The following DKK3 variants were observed in gnomAD, a reference collection of about 807,000 sequenced individuals.
The protein encoded by DKK3 is dickkopf Wnt signaling pathway inhibitor 3, also known as dickkopf-related protein 3.
In DKK3, 22 loss-of-function variants were observed where a neutral mutation model predicts 33.2. The observed-to-expected ratio is 0.66, with a 90% CI of 0.47 to 0.95. DKK3 has a LOEUF of 0.95. DKK3 is among the 40% of genes least tolerant of loss of function. DKK3 has a pLI of 0.00. For missense variants in DKK3, 398 were observed against 458.4 expected, an observed-to-expected ratio of 0.87 and a Z score of 1.20; for synonymous variants, 194 against 188.8, an observed-to-expected ratio of 1.03 and a Z score of -0.23.
rs1231853275 is a variant in DKK3, at chr11:11,964,353, T to G, written c.*111A>C. The G allele has an allele frequency of 2.2e-6, 3 of 1,381,878 alleles. No homozygotes were observed. In the African/African-American group the frequency reaches 4.3e-5, roughly 20 times the overall value. The allele number at this position is 1,381,878 out of a possible 1,614,324, so 85.6% of individuals were successfully genotyped here. A position where few individuals can be genotyped will look rare whatever the true frequency, so the allele number is the denominator to read the frequency against. ...ATGCTGTCAAGCCAGAGGGGAAACT[T>G]ACTGGGAAGAAGATGTAGGAAGAAG... On this transcript the variant is annotated 3_prime_UTR_variant, in exon 7 of 7. Coordinates refer to ENST00000683431, the MANE Select transcript of DKK3 (RefSeq NM_001018057.2).
intron 3 of DKK3, among the ~76,000 whole-genome samples, chr11:11,973,874 CAAT>C (rs1847776958): frequency 6.6e-6 from 1 of 152,200 alleles, no homozygotes; most frequent in Non-Finnish European, 1.5e-5. Flanking sequence ...GAGAGGACAA[CAAT>C]GAGTCCCTGG....
intron 2 of DKK3, chr11:12,002,036 C>T: frequency 3.0e-6 from 1 of 335,644 alleles, no homozygotes; most frequent in Non-Finnish European, 5.4e-6. Context: ...AATGATAATC[C>T]CTGGACATTC....
chr11:11,965,883 G>A lies in DKK3; in HGVS notation c.756C>T (p.Ile252=), dbSNP rs750621026. 4 of 1,614,160 alleles carry A rather than the reference G, an allele frequency of 2.5e-6. No individual in the cohort carries two copies. The highest frequency in any genetic ancestry group is 3.4e-6 in the Non-Finnish European group (4 of 1,180,048). ...HDPASRLLDL[I]TWELEPDGAL... ...CTCCATCAGGCTCTAGCTCCCAGGT[G>A]ATGAGGTCCAGAAGCCGGCTGGCGG... The change falls in exon 6 of 7, where the codon ATC becomes ATT. Residue 252 remains isoleucine, a synonymous_variant. Coordinates refer to ENST00000683431, the MANE Select transcript of DKK3 (RefSeq NM_001018057.2).
chr11:11,994,577 T>G (rs1053234583), intron 3 of DKK3: 3 of 152,156 alleles, frequency 2.0e-5, no homozygotes, highest in African/African-American at 7.2e-5. Context: ...CCTGGTGCAC[T>G]TCTGTTAAAA....
In DKK3 at chr11:11,968,287, G is replaced by A. The variant is rs544629559; in HGVS notation, c.528+108C>T. ...AGCCCTCTTGGGTCCTCCCCATCATGGTGAGGCTCTTCTGGGAAGCCCAGC... is the reference window on the plus strand; with the variant it reads ...AGCCCTCTTGGGTCCTCCCCATCATAGTGAGGCTCTTCTGGGAAGCCCAGC... On this transcript the variant is annotated intron_variant, in intron 4 of 6. Coordinates refer to ENST00000683431, the MANE Select transcript of DKK3 (RefSeq NM_001018057.2). 3.1e-5 allele frequency: 31 copies of A among 1,009,134 alleles called. No individual in the cohort carries two copies. In the African/African-American group the frequency reaches 4.9e-4, roughly 16 times the overall value. The allele number at this position is 1,009,134 out of a possible 1,614,324, so 62.5% of individuals were successfully genotyped here. A position where few individuals can be genotyped will look rare whatever the true frequency, so the allele number is the denominator to read the frequency against.
At chr11:12,003,276 C>A (rs1481897523) in intron 1 of DKK3, among the ~76,000 whole-genome samples, 1 of 152,168 alleles carries the variant, frequency 6.6e-6, no homozygotes, top group African/African-American at 2.4e-5. Flanking sequence ...GGTAGGGCCA[C>A]AGCTGTGTCT....
At position 11,989,297 on chromosome 11, in the gene DKK3, A is replaced by C. The variant is rs1437945294; in HGVS notation, c.435+9399T>G. 3.9e-5 allele frequency among the ~76,000 whole-genome samples: 6 copies of C among 152,378 alleles called. No individual in the cohort carries two copies. The East Asian group carries it at 1.2e-3, about 29-fold the overall frequency. On this transcript the variant is annotated intron_variant, in intron 3 of 6. Transcript: ENST00000683431. ...AGCAGCATTATTCACAATAGCCAAAAGGTGGAAGCAACCCAAGGGTGCATT... is the reference window on the plus strand; with the variant it reads ...AGCAGCATTATTCACAATAGCCAAACGGTGGAAGCAACCCAAGGGTGCATT...
intron 1 of DKK3, among the ~76,000 whole-genome samples, chr11:12,006,447 T>C (rs1848537727): frequency 6.6e-6 from 1 of 152,198 alleles, no homozygotes; most frequent in South Asian, 2.1e-4. Flanking sequence ...AGGGACTGGA[T>C]GAGGGAAGAT....
intron 3 of DKK3, among the ~76,000 whole-genome samples, chr11:11,969,108 CTG>C (rs1847668816): frequency 6.6e-6 from 1 of 152,230 alleles, no homozygotes; most frequent in Non-Finnish European, 1.5e-5. Context: ...GCTGCCAGCT[CTG>C]CCTGGCTGGA....
intron 3 of DKK3, chr11:11,979,085 C>T (rs1350031502): frequency 6.6e-6 from 1 of 152,274 alleles, no homozygotes; most frequent in African/African-American, 2.4e-5. Context: ...TTCACCGACG[C>T]AAGGAAAGGC....
rs1405253559 is a variant in DKK3, at chr11:11,965,905, G to A, written c.734C>T (p.Ala245Val). Residue 245 changes from alanine (A) to valine (V), a missense_variant, in exon 6 of 7, where the codon GCC (alanine) becomes GTC (valine). Physicochemically the swap from Ala to Val is moderately conservative, Grantham distance 64 (BLOSUM62 0). Transcript: ENST00000683431. ...GGTGATGAGGTCCAGAAGCCGGCTG[G>A]CGGGGTCATGGCAAAGCTCGCCCTC... ...PVEGELCHDP[A>V]SRLLDLITWE... 6.2e-7 allele frequency: 1 copy of A among 1,614,136 alleles called. No individual in the cohort carries two copies. The highest frequency in any genetic ancestry group is 8.5e-7 in the Non-Finnish European group (1 of 1,180,044).
At chr11:12,003,218 G>T (rs1359828127) in intron 1 of DKK3, among the ~76,000 whole-genome samples, 1 of 152,188 alleles carries the variant, frequency 6.6e-6, no homozygotes, top group African/African-American at 2.4e-5. Flanking sequence ...CCTGTTGTTG[G>T]TGGTGGTAGG....
At chr11:11,984,979 A>G (rs1848038735) in intron 3 of DKK3, among the ~76,000 whole-genome samples, 1 of 152,200 alleles carries the variant, frequency 6.6e-6, no homozygotes, top group Non-Finnish European at 1.5e-5. Flanking sequence ...TGAGCCTGGG[A>G]AAAACTTTAA....
At chr11:12,004,098 A>G (rs1056517007) in intron 1 of DKK3, among the ~76,000 whole-genome samples, 5 of 152,242 alleles carry the variant, frequency 3.3e-5, no homozygotes, top group Non-Finnish European at 7.3e-5. Context: ...GTTGCACCAG[A>G]TGCCTTGAAT....
rs1018073446 is a variant in DKK3, at chr11:11,968,439, C to T, written c.484G>A (p.Ala162Thr). The change falls in exon 4 of 7, where the codon GCC becomes ACC. Residue 162 changes from alanine (A) to threonine (T), a missense_variant. Physicochemically the swap from Ala to Thr is moderately conservative, Grantham distance 58. Transcript: ENST00000683431. ...GGCTGGCAGGTGTACTGGAAGCTGGCAAACTGGCAGTACATGCTGGGCCCA... is the reference window on the plus strand; with the variant it reads ...GGCTGGCAGGTGTACTGGAAGCTGGTAAACTGGCAGTACATGCTGGGCCCA... ...DCGPSMYCQF[A>T]SFQYTCQPCR... The T allele has an allele frequency of 2.5e-6, 4 of 1,613,410 alleles. No homozygotes were observed. In the African/African-American group the frequency reaches 5.3e-5, roughly 22 times the overall value.
At position 12,008,420 on chromosome 11, in the gene DKK3, C is replaced by G. The variant is rs769447653; in HGVS notation, c.163G>C (p.Glu55Gln). ...ATLNEMFREV[E>Q]ELMEDTQHKL... ...TGCTGCGTGTCCTCCATCAGTTCCT[C>G]AACCTCGCGGAACATCTCATTGAGG... Residue 55 changes from glutamate to glutamine, a missense_variant, in exon 1 of 7, where the codon GAG (glutamate) becomes CAG (glutamine). Physicochemically the swap from Glu to Gln is conservative, Grantham distance 29. Transcript: ENST00000683431. This position sits in a 1 kb window ranked among gnomAD's most constrained non-coding sequence, Gnocchi z 4.6. The G allele has an allele frequency of 6.2e-7, 1 of 1,611,200 alleles. No homozygotes were observed. The highest frequency in any genetic ancestry group is 8.5e-7 in the Non-Finnish European group (1 of 1,179,454).
chr11:12,009,219 C>T, upstream of DKK3: 1 of 985,194 alleles, frequency 1.0e-6, no homozygotes, highest in South Asian at 4.7e-5. Context: ...TCTGCTCGCT[C>T]CCGCCGGGAG....
chr11:12,006,619 A>C (rs1243702727), intron 1 of DKK3, among the ~76,000 whole-genome samples: 1 of 152,146 alleles, frequency 6.6e-6, no homozygotes, highest in Non-Finnish European at 1.5e-5. Context: ...CCACATCTAG[A>C]GGGAGGAAAG....
intron 3 of DKK3, among the ~76,000 whole-genome samples, chr11:11,983,791 G>T (rs1344839002): frequency 1.3e-5 from 2 of 152,252 alleles, no homozygotes; most frequent in Non-Finnish European, 2.9e-5. Flanking sequence ...CTGAGACAGA[G>T]CCCAGGCCCA....
Sources: allele counts gnomAD v4.1 joint callset (sites outside exome capture counted in the v4.1 genomes callset), GRCh38; gene constraint gnomAD v4.1.1; non-coding constraint Gnocchi (gnomAD v3.1); transcripts MANE v1.5; gene names NCBI Gene and HGNC (gene_info 2026-07-23, HGNC 2026-07-21).